The following CEACAM8 variants were observed in gnomAD, a reference collection of about 807,000 sequenced individuals.
CEACAM8 encodes CEA cell adhesion molecule 8.
In CEACAM8, 31 loss-of-function variants were observed where a neutral mutation model predicts 33.4. The ratio of observed to expected loss-of-function variants is 0.93; its 90% CI spans 0.70 to 1.25. CEACAM8 has a LOEUF of 1.25. Among genes scored for constraint, CEACAM8 ranks in the 50% most tolerant of loss-of-function variants. CEACAM8 has a pLI of 0.00. For missense variants in CEACAM8, 388 were observed against 434.6 expected, an observed-to-expected ratio of 0.89 and a Z score of 0.95; for synonymous variants, 138 against 164.5, an observed-to-expected ratio of 0.84 and a Z score of 1.23.
Position 42,585,732 on chromosome 19 carries a change from C to T in CEACAM8, c.959-2395G>A, listed in dbSNP as rs117753258. Among the ~76,000 whole-genome samples the T allele has an allele frequency of 5.4e-4, 82 of 152,170 alleles. No homozygotes were observed. The East Asian group carries it at 7.5e-3, about 14-fold the overall frequency. On this transcript the variant is annotated intron_variant, in intron 4 of 5. Coordinates refer to ENST00000244336, the MANE Select transcript of CEACAM8 (RefSeq NM_001816.4). ...GCCACGTCTATTTAACATAGTATTA[C>T]AAGTCCTAGCCAGAGAAATTAGGCA... is the stretch of plus-strand genomic sequence containing the variant.
rs754373914 is a variant in CEACAM8 at position 42,588,867 on chromosome 19, T to C, written c.875A>G (p.Lys292Arg). Reference sequence around the variant, plus strand: ...GTGGCAGGCATAGGATCCGCTGTTCTTTGTAGTGATGTTGGGGATAAAGAG... The same window carrying C: ...GTGGCAGGCATAGGATCCGCTGTTCCTTGTAGTGATGTTGGGGATAAAGAG... ...QKLFIPNITT[K>R]NSGSYACHTT... The change falls in exon 4 of 6, where the codon AAG becomes AGG. Residue 292 changes from lysine to arginine, a missense_variant. By Grantham distance (26) the Lys-to-Arg change is conservative. Transcript: ENST00000244336. 6.2e-7 allele frequency: 1 copy of C among 1,614,154 alleles called. No individual in the cohort carries two copies. Among genetic ancestry groups the C allele is most frequent in the Non-Finnish European group, 8.5e-7 (1 of 1,180,028 alleles).
Position 42,594,801 on chromosome 19 carries a change from T to TGCA in CEACAM8, c.25_27dup (p.Cys9dup), listed in dbSNP as rs1185474777. 6.2e-7 allele frequency: 1 copy of TGCA among 1,611,584 alleles called. No individual in the cohort carries two copies. Among genetic ancestry groups the TGCA allele is most frequent in the Non-Finnish European group, 8.5e-7 (1 of 1,178,380 alleles). ...AGCCCCTGCCAGGGGATGCGCCATC[T>TGCA]GCAGGAAGGGGCTGAGATGGGCCCC... On this transcript the variant is annotated inframe_insertion, in exon 1 of 6. Transcript: ENST00000244336.
intron 4 of CEACAM8, among the ~76,000 whole-genome samples, chr19:42,585,413 A>G (rs932776381): frequency 6.6e-6 from 1 of 152,166 alleles, no homozygotes. Context: ...CAAAAGTACT[A>G]TGAATAATTG....
At chr19:42,581,714 A>C (rs1280668460) in intron 5 of CEACAM8, among the ~76,000 whole-genome samples, 2 of 149,704 alleles carry the variant, frequency 1.3e-5, no homozygotes, top group African/African-American at 4.9e-5. Context: ...ACATGGTGAA[A>C]CCCCGTCTCT....
In CEACAM8 at chr19:42,588,974, G is replaced by C. The variant is rs1383722890; in HGVS notation, c.768C>G (p.Asn256Lys). 1 of 1,614,194 alleles carries C rather than the reference G, an allele frequency of 6.2e-7. No individual in the cohort carries two copies. Among genetic ancestry groups the C allele is most frequent in the Admixed American group, 1.7e-5 (1 of 60,022 alleles). Residue 256 changes from asparagine (N) to lysine (K), a missense_variant, in exon 4 of 6, where the codon AAC (asparagine) becomes AAG (lysine). Coordinates refer to ENST00000244336, the MANE Select transcript of CEACAM8 (RefSeq NM_001816.4). Reference protein sequence around the residue: ...DTYYHAGVNLNLSCHAASNPP... With the variant: ...DTYYHAGVNLKLSCHAASNPP... ...GATTAGAGGCCGCATGGCAGGAGAG[G>C]TTGAGATTTACCCCTGCATGGTAAT...
rs761847416 is a variant in CEACAM8 at position 42,589,057 on chromosome 19, G to C, written c.704-19C>G. On this transcript the variant is annotated intron_variant, in intron 3 of 5. Transcript: ENST00000244336. ...GGGCCATCTAGAGCAAAAGAATAAA[G>C]TCACAGGTGATGTCATCAGAGGGAA... The C allele has an allele frequency of 2.5e-6, 4 of 1,603,514 alleles. No homozygotes were observed. The South Asian group carries it at 4.5e-5, about 18-fold the overall frequency.
intron 4 of CEACAM8, among the ~76,000 whole-genome samples, chr19:42,585,446 T>C (rs1458382632): frequency 2.0e-5 from 3 of 151,904 alleles, no homozygotes; most frequent in African/African-American, 7.2e-5. Flanking sequence ...TTGGATAGCC[T>C]AGATGAAATG....
At chr19:42,594,665 A>C (rs2042512794) in intron 1 of CEACAM8, 100 bp downstream of exon 1, 1 of 883,188 alleles carries the variant, frequency 1.1e-6, no homozygotes, top group Non-Finnish European at 1.9e-6. Context: ...GCTCCAACAG[A>C]AGTCCTCTGT....
At chr19:42,587,947 G>A (rs1057087571) in intron 4 of CEACAM8, among the ~76,000 whole-genome samples, 2 of 152,198 alleles carry the variant, frequency 1.3e-5, no homozygotes, top group Non-Finnish European at 2.9e-5. Flanking sequence ...AGGGTGAGCC[G>A]AGATAGTGCC....
chr19:42,584,520 G>C (rs556439346), intron 4 of CEACAM8, among the ~76,000 whole-genome samples: 2 of 152,278 alleles, frequency 1.3e-5, no homozygotes, highest in African/African-American at 2.4e-5. Context: ...GGACTACTCA[G>C]CTTCAAGCTA....
chr19:42,594,238 C>T (rs1487257725), intron 1 of CEACAM8, among the ~76,000 whole-genome samples: 1 of 152,174 alleles, frequency 6.6e-6, no homozygotes, highest in Admixed American at 6.5e-5. Flanking sequence ...CCTTCCAGGG[C>T]TCCTGTCAGC....
At chr19:42,587,293 ATG>A (rs1291478973) in intron 4 of CEACAM8, among the ~76,000 whole-genome samples, 14 of 152,348 alleles carry the variant, frequency 9.2e-5, no homozygotes, top group Admixed American at 6.5e-4. Flanking sequence ...TTGTACACTG[ATG>A]TTCACAGCAG....
intron 2 of CEACAM8, among the ~76,000 whole-genome samples, chr19:42,590,318 C>G (rs2042414100): frequency 6.6e-6 from 1 of 152,220 alleles, no homozygotes; most frequent in African/African-American, 2.4e-5. Flanking sequence ...CCAGGTGTTT[C>G]ATCGTGACTT....
intron 4 of CEACAM8, 33 bp downstream of exon 4, chr19:42,588,751 A>G: frequency 6.2e-7 from 1 of 1,610,986 alleles, no homozygotes; most frequent in Non-Finnish European, 8.5e-7. Flanking sequence ...TCTACCAGAA[A>G]ACATACTGCC....
intron 4 of CEACAM8, among the ~76,000 whole-genome samples, chr19:42,586,251 T>G (rs990436343): frequency 6.6e-6 from 1 of 151,882 alleles, no homozygotes; most frequent in Non-Finnish European, 1.5e-5. Context: ...ATCCTAAAGT[T>G]CATATGGAAT....
chr19:42,590,298 G>C (rs1186525971), intron 2 of CEACAM8, among the ~76,000 whole-genome samples: 1 of 152,216 alleles, frequency 6.6e-6, no homozygotes, highest in Non-Finnish European at 1.5e-5. Context: ...ACAAGGTGGG[G>C]CAGTTTTTCC....
At chr19:42,593,488 T>C in intron 2 of CEACAM8, 53 bp downstream of exon 2, 1 of 1,530,762 alleles carries the variant, frequency 6.5e-7, no homozygotes, top group Non-Finnish European at 8.8e-7. Context: ...CAATCCTGTG[T>C]GTGGGAAGTA....
chr19:42,591,330 A>G (rs1489145272), intron 2 of CEACAM8, among the ~76,000 whole-genome samples: 1 of 152,222 alleles, frequency 6.6e-6, no homozygotes. Context: ...TCAAAGGAAG[A>G]TCCTGAAGTT....
rs774915444 is a variant in CEACAM8, at chr19:42,593,526, T to C, written c.424+15A>G. On this transcript the variant is annotated intron_variant, in intron 2 of 5. Transcript: ENST00000244336. The stretch of plus-strand genomic sequence containing the variant: ...ACTGACCCCCAACACCCAGAGGTCA[T>C]GGGGAATCACTCACGATGTACGCTG... The C allele has an allele frequency of 1.3e-6, 2 of 1,550,626 alleles. No individual in the cohort carries two copies. Among genetic ancestry groups the C allele is most frequent in the Non-Finnish European group, 8.7e-7 (1 of 1,146,528 alleles).
Sources: allele counts gnomAD v4.1 joint callset (sites outside exome capture counted in the v4.1 genomes callset), GRCh38; gene constraint gnomAD v4.1.1; transcripts MANE v1.5; gene names NCBI Gene and HGNC (gene_info 2026-07-23, HGNC 2026-07-21).